TBC1D5: variants seen among roughly 807,000 people sequenced by gnomAD.
TBC1D5 encodes TBC1 domain family member 5.
Under a neutral mutation model 100.3 loss-of-function variants are expected in TBC1D5, and 75 were observed. The observed-to-expected ratio is 0.75, with a 90% CI of 0.62 to 0.91. The LOEUF (loss-of-function observed/expected upper bound fraction) is 0.91, where lower values mean the gene tolerates loss of function less well. TBC1D5 is among the 40% of genes least tolerant of loss of function. The probability of loss-of-function intolerance (pLI) is 0.00; values close to 1 mark genes in which losing one functional copy is unlikely to be tolerated. For missense variants in TBC1D5, 910 were observed against 942.4 expected, an observed-to-expected ratio of 0.97 and a Z score of 0.45; for synonymous variants, 323 against 325.6, an observed-to-expected ratio of 0.99 and a Z score of 0.09.
At chr3:17,338,657 T>C (rs1219807192) in intron 13 of TBC1D5, 2 of 152,234 alleles carry the variant, frequency 1.3e-5, no homozygotes, top group Non-Finnish European at 2.9e-5. Context: ...GATATTAAAG[T>C]GGTAATATTT....
chr3:17,352,717 C>T, intron 13 of TBC1D5, among the ~76,000 whole-genome samples: 1 of 144,324 alleles, frequency 6.9e-6, no homozygotes, highest in East Asian at 1.9e-4. Flanking sequence ...ACCTACTGTG[C>T]ACTCCAACAG....
intron 3 of TBC1D5, among the ~76,000 whole-genome samples, chr3:17,484,560 G>T (rs1427006343): frequency 6.6e-6 from 1 of 150,498 alleles, no homozygotes; most frequent in Non-Finnish European, 1.5e-5. Context: ...ACACCAGGGT[G>T]TGTGTGTGTG....
At chr3:17,318,074 G>A (rs566038418) in intron 13 of TBC1D5, among the ~76,000 whole-genome samples, 3 of 152,060 alleles carry the variant, frequency 2.0e-5, no homozygotes. Context: ...CATGTCCTTC[G>A]TAGGGACAGG....
intron 2 of TBC1D5, among the ~76,000 whole-genome samples, chr3:17,614,102 A>C (rs1026977884): frequency 6.6e-6 from 1 of 152,220 alleles, no homozygotes; most frequent in African/African-American, 2.4e-5. Context: ...CTTTACACAT[A>C]TGGCTAGCCA....
At chr3:17,393,727 G>C (rs995244915) in intron 8 of TBC1D5, among the ~76,000 whole-genome samples, 1 of 152,234 alleles carries the variant, frequency 6.6e-6, no homozygotes, top group African/African-American at 2.4e-5. Context: ...ATGGGGAAAG[G>C]ACTCCCTATT....
chr3:17,461,948 TTC>T (rs1379264469), intron 3 of TBC1D5, among the ~76,000 whole-genome samples: 1 of 152,206 alleles, frequency 6.6e-6, no homozygotes, highest in Admixed American at 6.5e-5. Flanking sequence ...TCTTATCATT[TTC>T]TCTCTCCAAT....
At chr3:17,458,423 G>A (rs2095135932) in intron 3 of TBC1D5, among the ~76,000 whole-genome samples, 1 of 152,146 alleles carries the variant, frequency 6.6e-6, no homozygotes, top group Non-Finnish European at 1.5e-5. Flanking sequence ...CCTCACCACG[G>A]AGGGCATTTT....
intron 2 of TBC1D5, among the ~76,000 whole-genome samples, chr3:17,521,514 T>C (rs1211675802): frequency 2.6e-5 from 4 of 152,202 alleles, no homozygotes; most frequent in African/African-American, 9.6e-5. Flanking sequence ...TGGTCAACAG[T>C]AGGCTATCAG....
chr3:17,516,173 C>T (rs939010958), intron 2 of TBC1D5, among the ~76,000 whole-genome samples: 11 of 152,208 alleles, frequency 7.2e-5, no homozygotes, highest in African/African-American at 2.4e-4. Context: ...CAACATTCAA[C>T]TTTTCCTTTA....
At chr3:17,277,496 C>T (rs957002051) in intron 15 of TBC1D5, among the ~76,000 whole-genome samples, 1 of 152,054 alleles carries the variant, frequency 6.6e-6, no homozygotes, top group African/African-American at 2.4e-5. Flanking sequence ...TTTGGAAACC[C>T]GTAGGCAAGA....
chr3:17,617,207 G>C (rs2062244589), intron 2 of TBC1D5, among the ~76,000 whole-genome samples: 1 of 152,092 alleles, frequency 6.6e-6, no homozygotes. Context: ...GTTGAATATT[G>C]GCTCCCACTC....
chr3:17,457,037 G>T (rs1459197884), intron 3 of TBC1D5, among the ~76,000 whole-genome samples: 1 of 151,914 alleles, frequency 6.6e-6, no homozygotes, highest in Non-Finnish European at 1.5e-5. Context: ...TATTTTGGGG[G>T]GTAGAATCTT....
intron 1 of TBC1D5, among the ~76,000 whole-genome samples, chr3:17,655,933 C>G (rs991332485): frequency 6.6e-6 from 1 of 152,196 alleles, no homozygotes; most frequent in Non-Finnish European, 1.5e-5. Context: ...ATACTTTCAG[C>G]CCCCAGAAAA....
Position 17,444,917 on chromosome 3 carries a change from TA to T in TBC1D5, c.98-16399del, listed in dbSNP as rs1296899023. Among the ~76,000 whole-genome samples the T allele has an allele frequency of 2.0e-5, 3 of 152,308 alleles. No individual in the cohort carries two copies. The East Asian group carries it at 5.8e-4, about 29-fold the overall frequency. ...AAAAGAATTACCCATCATCAGTAAG[TA>T]AATGTATTCCTACAGCTACTAACCA... On this transcript the variant is annotated intron_variant, in intron 3 of 21. Coordinates refer to ENST00000253692, the Ensembl canonical transcript of TBC1D5.
chr3:17,526,864 A>G (rs192894444), intron 2 of TBC1D5, among the ~76,000 whole-genome samples: 10 of 152,324 alleles, frequency 6.6e-5, no homozygotes, highest in African/African-American at 2.2e-4. Flanking sequence ...TTTGTTCACA[A>G]CCTTATACAT....
chr3:17,471,156 T>C (rs529522142), intron 3 of TBC1D5, among the ~76,000 whole-genome samples: 2 of 152,302 alleles, frequency 1.3e-5, no homozygotes, highest in Non-Finnish European at 2.9e-5. Flanking sequence ...GATAGCTAGA[T>C]GGAATTGCAG....
intron 16 of TBC1D5, among the ~76,000 whole-genome samples, chr3:17,254,576 A>G (rs978252413): frequency 6.6e-6 from 1 of 152,102 alleles, no homozygotes; most frequent in African/African-American, 2.4e-5. Flanking sequence ...AAAATTCTTT[A>G]TATATTCGGG....
chr3:17,262,146 G>A (rs908206460), intron 15 of TBC1D5, among the ~76,000 whole-genome samples: 11 of 152,238 alleles, frequency 7.2e-5, no homozygotes, highest in African/African-American at 2.6e-4. Context: ...CATTGTGTGA[G>A]CATCACAGAA....
At chr3:17,740,348 A>C (rs1439223069) in exon 1 of TBC1D5, 1 of 152,102 alleles carries the variant, frequency 6.6e-6, no homozygotes, top group Non-Finnish European at 1.5e-5. Flanking sequence ...AAAAAAAAAA[A>C]AGTCAAGTTC....
Sources: gnomAD v4.1 joint callset for allele counts (sites outside exome capture counted in the v4.1 genomes callset) on GRCh38, gnomAD v4.1.1 for gene constraint, MANE v1.5 for transcripts, NCBI Gene and HGNC (gene_info 2026-07-23, HGNC 2026-07-21) for gene names.